The following MSI2 variants were observed in gnomAD, a reference collection of about 807,000 sequenced individuals.
MSI2 encodes the protein musashi RNA binding protein 2, also known as RNA-binding protein Musashi homolog 2.
Under a neutral mutation model 45.6 loss-of-function variants are expected in MSI2, and 17 were observed. That is an observed-to-expected ratio of 0.37 (90% confidence interval 0.26 to 0.56). MSI2 has a LOEUF of 0.56. Ranked by LOEUF, MSI2 falls within the 20% of genes least tolerant of loss-of-function variation. The pLI is 0.77. For missense variants in MSI2, 293 were observed against 444.2 expected, an observed-to-expected ratio of 0.66 and a Z score of 3.06; for synonymous variants, 156 against 158.2, an observed-to-expected ratio of 0.99 and a Z score of 0.11.
intron 6 of MSI2, among the ~76,000 whole-genome samples, chr17:57,498,915 C>T (rs1409382975): frequency 3.2e-5 from 4 of 124,226 alleles, no homozygotes; most frequent in East Asian, 5.8e-4. Flanking sequence ...TGTCCCTCCC[C>T]CCTCCCCCCA....
At position 57,561,601 on chromosome 17, in the gene MSI2, G is replaced by A. The variant is rs535775599; in HGVS notation, c.454+31877G>A. Among the ~76,000 whole-genome samples the A allele has an allele frequency of 2.0e-5, 3 of 152,260 alleles. No homozygotes were observed. The East Asian group carries it at 5.8e-4, about 29-fold the overall frequency. Reference sequence around the variant, plus strand: ...TGCTTTGATCTTCTGGGCCCCTTTTGGGGTAGGAGGCTGTGCTAATGAGGA... The same window carrying A: ...TGCTTTGATCTTCTGGGCCCCTTTTAGGGTAGGAGGCTGTGCTAATGAGGA... On this transcript the variant is annotated intron_variant, in intron 7 of 13. Transcript: ENST00000284073.
At chr17:57,338,390 G>A (rs1914859850) in intron 5 of MSI2, among the ~76,000 whole-genome samples, 2 of 152,080 alleles carry the variant, frequency 1.3e-5, no homozygotes, top group African/African-American at 2.4e-5. Flanking sequence ...GCACTGGCCT[G>A]TTTTATTTTA....
At chr17:57,565,264 C>G (rs910597172) in intron 7 of MSI2, among the ~76,000 whole-genome samples, 3 of 152,144 alleles carry the variant, frequency 2.0e-5, no homozygotes, top group Non-Finnish European at 4.4e-5. Context: ...TGCTGGATTT[C>G]CCATTTTTCT....
chr17:57,295,399 G>T (rs1910832412), intron 5 of MSI2, among the ~76,000 whole-genome samples: 1 of 152,068 alleles, frequency 6.6e-6, no homozygotes. Context: ...TCAAAGATGG[G>T]TTGTGTCACA....
chr17:57,285,885 T>C, intron 5 of MSI2: 2 of 1,528,522 alleles, frequency 1.3e-6, no homozygotes, highest in South Asian at 1.2e-5. Flanking sequence ...GGTGTTTAGA[T>C]GATGAGGGGT....
chr17:57,583,511 A>C (rs2088264750), intron 7 of MSI2, among the ~76,000 whole-genome samples: 1 of 81,924 alleles, frequency 1.2e-5, no homozygotes, highest in African/African-American at 5.4e-5. Context: ...TTTTTTTGAG[A>C]CAGGGTCTCA....
chr17:57,257,225 C>A lies in MSI2; in HGVS notation c.103+87C>A, dbSNP rs1372156407. On this transcript the variant is annotated intron_variant, in intron 2 of 13. Transcript: ENST00000284073. ...TTATCCCGGTGTAGGAGCCCCCCCC[C>A]CCCCGCCATTGGCTCCCCACTTCTC... 9.4e-5 allele frequency: 51 copies of A among 542,886 alleles called. No individual in the cohort carries two copies. In the East Asian group the frequency reaches 1.7e-3, roughly 18 times the overall value. The allele number at this position is 542,886 out of a possible 1,614,324, so 33.6% of individuals were successfully genotyped here.
intron 5 of MSI2, among the ~76,000 whole-genome samples, chr17:57,281,332 A>G (rs1484807035): frequency 6.6e-6 from 1 of 152,138 alleles, no homozygotes; most frequent in Non-Finnish European, 1.5e-5. Context: ...CGCCATCACC[A>G]GCCAATTCTG....
intron 6 of MSI2, among the ~76,000 whole-genome samples, chr17:57,433,098 A>C (rs771646266): frequency 2.0e-5 from 3 of 151,838 alleles, no homozygotes; most frequent in Non-Finnish European, 4.4e-5. Flanking sequence ...CAGTGCTGCC[A>C]CCTCCCTTTC....
At chr17:57,342,250 T>C (rs1915232654) in intron 5 of MSI2, among the ~76,000 whole-genome samples, 4 of 152,326 alleles carry the variant, frequency 2.6e-5, no homozygotes, top group Admixed American at 2.6e-4. Flanking sequence ...ACCTCTTTGA[T>C]ACATGGACAT....
chr17:57,640,569 T>C (rs1375743329), intron 10 of MSI2, among the ~76,000 whole-genome samples: 1 of 152,206 alleles, frequency 6.6e-6, no homozygotes, highest in Non-Finnish European at 1.5e-5. Flanking sequence ...ATCACTGATC[T>C]TCACTGCAGC....
At chr17:57,609,720 A>G (rs1311043111) in intron 8 of MSI2, among the ~76,000 whole-genome samples, 2 of 152,224 alleles carry the variant, frequency 1.3e-5, no homozygotes, top group Non-Finnish European at 1.5e-5. Flanking sequence ...TTACCTTTGC[A>G]AGGGCTTCGG....
At chr17:57,283,772 C>CCACACG (rs1909625315) in intron 5 of MSI2, among the ~76,000 whole-genome samples, 1 of 152,202 alleles carries the variant, frequency 6.6e-6, no homozygotes, top group Non-Finnish European at 1.5e-5. Flanking sequence ...AGGCAGAAGA[C>CCACACG]CACACGCGCA....
rs558819833 is a variant in MSI2 at position 57,302,867 on chromosome 17, C to T, written c.312+40675C>T. Among the ~76,000 whole-genome samples, 6 of 152,262 alleles carry T rather than the reference C, an allele frequency of 3.9e-5. No homozygotes were observed. In the South Asian group the frequency reaches 1.2e-3, roughly 32 times the overall value. ...GTGTTTGGTGGCAGCAGATCGTGGG[C>T]AAGGGAGTGGCTTTGGGGAGGAGTT... On this transcript the variant is annotated intron_variant, in intron 5 of 13. Transcript: ENST00000284073.
chr17:57,321,890 G>A (rs1467464189), intron 5 of MSI2, among the ~76,000 whole-genome samples: 2 of 151,870 alleles, frequency 1.3e-5, no homozygotes, highest in African/African-American at 2.4e-5. Context: ...TCTGCCTCCC[G>A]GATTCAAGTG....
At chr17:57,495,265 G>A (rs984487232) in intron 6 of MSI2, among the ~76,000 whole-genome samples, 2 of 152,182 alleles carry the variant, frequency 1.3e-5, no homozygotes, top group Non-Finnish European at 2.9e-5. Context: ...GGGCACGGTG[G>A]CTCACGCCCA....
At chr17:57,378,438 A>AT (rs1286205395) in intron 5 of MSI2, among the ~76,000 whole-genome samples, 1 of 151,754 alleles carries the variant, frequency 6.6e-6, no homozygotes, top group Non-Finnish European at 1.5e-5. Context: ...TAATTTTTCT[A>AT]TTTTTAGTAG....
At chr17:57,672,115 T>G (rs1454918507) in intron 11 of MSI2, among the ~76,000 whole-genome samples, 1 of 152,178 alleles carries the variant, frequency 6.6e-6, no homozygotes, top group Non-Finnish European at 1.5e-5. Flanking sequence ...CTTTCACCCC[T>G]GGCTGGGGGA....
chr17:57,591,799 C>T (rs534109979), intron 7 of MSI2, among the ~76,000 whole-genome samples: 3 of 149,440 alleles, frequency 2.0e-5, no homozygotes, highest in African/African-American at 7.4e-5. Context: ...AGTTATTTAA[C>T]GGGTACAGAA....
Sources: gnomAD v4.1 joint callset for allele counts (sites outside exome capture counted in the v4.1 genomes callset) on GRCh38, gnomAD v4.1.1 for gene constraint, MANE v1.5 for transcripts, NCBI Gene and HGNC (gene_info 2026-07-23, HGNC 2026-07-21) for gene names.